Variants in CYBB observed in about 807,000 individuals in gnomAD.
CYBB encodes the protein NADPH oxidase 2.
Under a neutral mutation model 46.5 loss-of-function variants are expected in CYBB, and 5 were observed. The ratio of observed to expected loss-of-function variants is 0.11; its 90% CI spans 0.06 to 0.23. CYBB has a LOEUF of 0.23. Among genes scored for constraint, CYBB ranks in the 10% least tolerant of loss-of-function variants. The probability of loss-of-function intolerance (pLI) is 1.00; values close to 1 mark genes in which losing one functional copy is unlikely to be tolerated. For synonymous variants in CYBB, 183 were observed against 156.7 expected, an observed-to-expected ratio of 1.17 and a Z score of -1.26; for missense variants, 307 against 428.3, an observed-to-expected ratio of 0.72 and a Z score of 2.50.
intron 5 of CYBB, among the ~76,000 whole-genome samples, chrX:37,794,129 C>T (rs1278504313): frequency 2.7e-5 from 3 of 111,574 alleles, no homozygotes; most frequent in African/African-American, 6.5e-5. Flanking sequence ...CATGTCTAGT[C>T]GAACAAGGTT....
At chrX:37,789,919 C>A (rs1929159548) in intron 3 of CYBB, among the ~76,000 whole-genome samples, 1 of 111,563 alleles carries the variant, frequency 9.0e-6, no homozygotes, top group Non-Finnish European at 1.9e-5. Flanking sequence ...CATGCGACAA[C>A]TGCCCTTTGC....
intron 12 of CYBB, among the ~76,000 whole-genome samples, chrX:37,810,358 A>G (rs1929644638): frequency 8.9e-6 from 1 of 112,154 alleles, no homozygotes. Context: ...CGCCAAGGCT[A>G]CTGATCAGAA....
intron 9 of CYBB, 113 bp from the exon 10 acceptor site, chrX:37,804,893 A>G: frequency 2.6e-6 from 2 of 781,042 alleles, no homozygotes; most frequent in South Asian, 4.4e-5. Context: ...CCCAATAGAT[A>G]CATTATTCCA....
intron 8 of CYBB, among the ~76,000 whole-genome samples, chrX:37,801,617 TG>T (rs1929442705): frequency 9.2e-6 from 1 of 109,042 alleles, no homozygotes; most frequent in African/African-American, 3.3e-5. Context: ...TGTGTGTGTG[TG>T]TGTGTGTGTG....
intron 8 of CYBB, among the ~76,000 whole-genome samples, chrX:37,802,249 CA>C (rs1366810652): frequency 9.0e-6 from 1 of 111,362 alleles, no homozygotes; most frequent in East Asian, 2.8e-4. Flanking sequence ...GAAACCACAA[CA>C]GTTCTCCTTT....
chrX:37,812,121 A>T lies in CYBB; in HGVS notation c.*1204A>T, dbSNP rs1301229139. 1 of 112,360 alleles carries T rather than the reference A, an allele frequency of 8.9e-6. No individual in the cohort carries two copies. Among genetic ancestry groups the T allele is most frequent in the Non-Finnish European group, 1.9e-5 (1 of 53,288 alleles). The allele number at this position is 112,360 out of a possible 1,213,427, so 9.3% of individuals were successfully genotyped here. A position where few individuals can be genotyped will look rare whatever the true frequency, so the allele number is the denominator to read the frequency against. On this transcript the variant is annotated 3_prime_UTR_variant, in exon 13 of 13. Transcript: ENST00000378588. ...TTATTTGTATTATATCATCATCATC[A>T]TCCTAAAATTAACAACCCAGAAACA...
intron 10 of CYBB, 106 bp downstream of exon 10, chrX:37,805,274 G>T: frequency 1.3e-6 from 1 of 794,154 alleles, no homozygotes. Flanking sequence ...CATGGGAAGT[G>T]AAGAAAAGCT....
At chrX:37,791,683 G>A (rs1929199853) in intron 3 of CYBB, among the ~76,000 whole-genome samples, 1 of 111,662 alleles carries the variant, frequency 9.0e-6, no homozygotes, top group East Asian at 2.8e-4. Flanking sequence ...TTTTGTACAA[G>A]TTTATATTTT....
At chrX:37,794,135 A>C (rs1369531237) in intron 5 of CYBB, among the ~76,000 whole-genome samples, 3 of 111,601 alleles carry the variant, frequency 2.7e-5, no homozygotes, top group Non-Finnish European at 5.7e-5. Context: ...TAGTCGAACA[A>C]GGTTTGGTTT....
At chrX:37,784,758 C>T (rs1929026021) in intron 3 of CYBB, among the ~76,000 whole-genome samples, 1 of 111,258 alleles carries the variant, frequency 9.0e-6, no homozygotes, top group African/African-American at 3.3e-5. Context: ...GTAGAGATCA[C>T]TTATGGAGGA....
intron 7 of CYBB, among the ~76,000 whole-genome samples, chrX:37,800,013 G>C (rs1929403821): frequency 9.0e-6 from 1 of 111,153 alleles, no homozygotes; most frequent in East Asian, 2.8e-4. Context: ...TGAAGACGTA[G>C]GATCTTTAAG....
At chrX:37,810,449 C>T (rs1929647086) in intron 12 of CYBB, among the ~76,000 whole-genome samples, 1 of 112,108 alleles carries the variant, frequency 8.9e-6, no homozygotes, top group Non-Finnish European at 1.9e-5. Flanking sequence ...TTAGCTTGTT[C>T]CTAATTTCAA....
chrX:37,780,373 G>A (rs1311302319), intron 1 of CYBB, among the ~76,000 whole-genome samples: 4 of 111,699 alleles, frequency 3.6e-5, no homozygotes, highest in African/African-American at 1.3e-4. Flanking sequence ...GCATTTCGCA[G>A]AAGGAGTAGA....
At chrX:37,788,044 A>G (rs1317396713) in intron 3 of CYBB, among the ~76,000 whole-genome samples, 1 of 112,266 alleles carries the variant, frequency 8.9e-6, no homozygotes, top group Non-Finnish European at 1.9e-5. Context: ...GAAACAGAGT[A>G]TCATTGAATG....
At chrX:37,796,459 C>T (rs1556468484) in intron 6 of CYBB, among the ~76,000 whole-genome samples, 1 of 106,429 alleles carries the variant, frequency 9.4e-6, no homozygotes, top group Non-Finnish European at 2.0e-5. Context: ...ATGATATCCT[C>T]TATGGTTTAA....
Position 37,792,388 on chromosome X carries a change from C to A in CYBB, c.337+329C>A, listed in dbSNP as rs184195748. ...ATTCACTCATGAAAACTTATTTATTCTAAAAAAAGTTCTTGGTTGCATGTG... is the reference window on the plus strand; with the variant it reads ...ATTCACTCATGAAAACTTATTTATTATAAAAAAAGTTCTTGGTTGCATGTG... On this transcript the variant is annotated intron_variant, in intron 4 of 12. Transcript: ENST00000378588. 2.7e-5 allele frequency among the ~76,000 whole-genome samples: 3 copies of A among 110,739 alleles called. No individual in the cohort carries two copies. The Admixed American group carries it at 2.9e-4, about 11-fold the overall frequency.
chrX:37,806,358 A>T lies in CYBB; in HGVS notation c.1315-29A>T, dbSNP rs368141020. On this transcript the variant is annotated intron_variant, in intron 10 of 12. Transcript: ENST00000378588. ...ATGCTGATAGGGCCTGCCAAATATA[A>T]TCTGCTTCATGATCCACCCCATTTT... 6 of 1,205,473 alleles carry T rather than the reference A, an allele frequency of 5.0e-6. No homozygotes were observed. In the African/African-American group the frequency reaches 5.3e-5, roughly 11 times the overall value.
chrX:37,806,886 C>T (rs782498808), intron 11 of CYBB, among the ~76,000 whole-genome samples: 1 of 104,710 alleles, frequency 9.6e-6, no homozygotes, highest in South Asian at 4.0e-4. Flanking sequence ...CTGTCTCTCT[C>T]TCTCTGTCTC....
rs1929682332 is a variant in CYBB at position 37,811,810 on chromosome X, A to G, written c.*893A>G. 1 of 111,880 alleles carries G rather than the reference A, an allele frequency of 8.9e-6. No homozygotes were observed. The highest frequency in any genetic ancestry group is 3.7e-4 in the South Asian group (1 of 2,675). 9.2% of individuals were successfully genotyped at this position (111,880 alleles called of 1,213,427 possible). Reference sequence around the variant, plus strand: ...GGATACTAACCAATAGGATTGCCTGAAGGGTTCTGCACATTCTTATTTGAA... The same window carrying G: ...GGATACTAACCAATAGGATTGCCTGGAGGGTTCTGCACATTCTTATTTGAA... On this transcript the variant is annotated 3_prime_UTR_variant, in exon 13 of 13. Transcript: ENST00000378588.
Sources: allele counts gnomAD v4.1 joint callset (sites outside exome capture counted in the v4.1 genomes callset), GRCh38; gene constraint gnomAD v4.1.1; transcripts MANE v1.5; gene names NCBI Gene and HGNC (gene_info 2026-07-23, HGNC 2026-07-21).